The following TMEM9 variants were observed in gnomAD, a reference collection of about 807,000 sequenced individuals.
The protein encoded by TMEM9 is transmembrane protein 9.
In TMEM9, 13 loss-of-function variants were observed where a neutral mutation model predicts 22.8. The observed-to-expected ratio is 0.57, with a 90% CI of 0.37 to 0.91. TMEM9 has a LOEUF of 0.91. TMEM9 is among the 40% of genes least tolerant of loss of function. TMEM9 has a pLI of 0.01. For synonymous variants in TMEM9, 88 were observed against 93.0 expected (o/e 0.95, Z 0.31); for missense variants, 182 against 238.1 (o/e 0.76, Z 1.55).
upstream of TMEM9, among the ~76,000 whole-genome samples, chr1:201,155,195 C>A (rs1665748057): frequency 6.6e-6 from 1 of 152,178 alleles, no homozygotes; most frequent in South Asian, 2.1e-4. Context: ...CCCTGGCGCT[C>A]CCCCTAAGCA....
Position 201,154,144 on chromosome 1 carries a change from C to T in TMEM9, c.-221G>A, listed in dbSNP as rs2102283732. On this transcript the variant is annotated 5_prime_UTR_variant, in exon 1 of 5. Transcript: ENST00000367330. Reference sequence around the variant, plus strand: ...GCCCAACTCTCCGGCTCTCCGCCAGCCACCTGGTGAGCCCGGCAGAGGGGT... The same window carrying T: ...GCCCAACTCTCCGGCTCTCCGCCAGTCACCTGGTGAGCCCGGCAGAGGGGT... 7.1e-6 allele frequency: 4 copies of T among 564,638 alleles called. No individual in the cohort carries two copies. Among genetic ancestry groups the T allele is most frequent in the East Asian group, 3.2e-5 (1 of 30,830 alleles). 35.0% of individuals were successfully genotyped at this position (564,638 alleles called of 1,614,324 possible). A position where few individuals can be genotyped will look rare whatever the true frequency, so the allele number is the denominator to read the frequency against.
intron 1 of TMEM9, 32 bp from the exon 2 acceptor site, chr1:201,151,884 A>G (rs772844234): frequency 1.3e-6 from 2 of 1,571,982 alleles, no homozygotes; most frequent in South Asian, 2.2e-5. Flanking sequence ...AAGTATGCAG[A>G]GACCCTGCCT....
intron 4 of TMEM9, among the ~76,000 whole-genome samples, chr1:201,136,288 C>T (rs992760088): frequency 3.9e-5 from 6 of 152,208 alleles, no homozygotes; most frequent in African/African-American, 1.4e-4. Flanking sequence ...GAGGTGCCCC[C>T]AGGGCTAGTA....
intron 2 of TMEM9, among the ~76,000 whole-genome samples, chr1:201,150,348 A>G (rs1665323476): frequency 6.6e-6 from 1 of 152,256 alleles, no homozygotes; most frequent in South Asian, 2.1e-4. Context: ...TGTGGCCACC[A>G]GTAAGGCATG....
intron 3 of TMEM9, chr1:201,144,330 G>A (rs1664781780): frequency 9.6e-6 from 2 of 208,576 alleles, no homozygotes; most frequent in Admixed American, 5.2e-5. Flanking sequence ...CTAAGAGCAA[G>A]GAAGAACAGG....
At chr1:201,149,405 G>A (rs772865991) in intron 2 of TMEM9, among the ~76,000 whole-genome samples, 2 of 152,152 alleles carry the variant, frequency 1.3e-5, no homozygotes, top group African/African-American at 2.4e-5. Context: ...TTTCCAAAAC[G>A]GATTTTGTTT....
rs186313214 is a variant in TMEM9, at chr1:201,148,275, G to A, written c.159-1427C>T. 1.3e-3 allele frequency among the ~76,000 whole-genome samples: 201 copies of A among 152,326 alleles called. 1 individual carries two copies. The highest frequency in any genetic ancestry group is 2.6e-3 in the Non-Finnish European group (175 of 68,028). ...CCCTCAGCCACAGGTCTTTACTTCT[G>A]ACTCAGCCTCAGTGGGGCCTGGGCT... On this transcript the variant is annotated intron_variant, in intron 2 of 4. Coordinates refer to ENST00000367330, the MANE Select transcript of TMEM9 (RefSeq NM_001288565.2).
At chr1:201,155,560 G>A (rs1197723688), upstream of TMEM9, among the ~76,000 whole-genome samples, 1 of 152,156 alleles carries the variant, frequency 6.6e-6, no homozygotes, top group Admixed American at 6.5e-5. Flanking sequence ...TGCTCAGGAA[G>A]TGTTTGCTAA....
chr1:201,163,924 G>C (rs1666010475), intron 1 of TMEM9, among the ~76,000 whole-genome samples: 1 of 152,222 alleles, frequency 6.6e-6, no homozygotes, highest in Non-Finnish European at 1.5e-5. Context: ...AAAAACGTGT[G>C]CATGAATGCT....
Position 201,135,142 on chromosome 1 carries a change from C to CCATCAGAGCTGT in TMEM9, c.*509_*520dup, listed in dbSNP as rs1663861369. On this transcript the variant is annotated 3_prime_UTR_variant, in exon 5 of 5. Coordinates refer to ENST00000367330, the MANE Select transcript of TMEM9 (RefSeq NM_001288565.2). ...AGTGGGCTCAGGGGGCCCAGCTCTC[C>CCATCAGAGCTGT]CATCAGAGCTGTCCTCAGGGCTGGA... 6.5e-6 allele frequency: 1 copy of CCATCAGAGCTGT among 153,044 alleles called. No homozygotes were observed. The highest frequency in any genetic ancestry group is 6.5e-5 in the Admixed American group (1 of 15,294). The allele number at this position is 153,044 out of a possible 1,614,324, so 9.5% of individuals were successfully genotyped here. A position where few individuals can be genotyped will look rare whatever the true frequency, so the allele number is the denominator to read the frequency against.
chr1:201,149,530 G>A (rs929933895), intron 2 of TMEM9, among the ~76,000 whole-genome samples: 2 of 152,166 alleles, frequency 1.3e-5, no homozygotes, highest in Non-Finnish European at 1.5e-5. Flanking sequence ...ACCCACCAAT[G>A]GGGCAAAGCT....
rs192044200 is a variant in TMEM9 at position 201,163,064 on chromosome 1, T to C, written c.-37+8426A>G. On this transcript the variant is annotated intron_variant, in intron 1 of 5. Transcript: ENST00000367333. Reference sequence around the variant, plus strand: ...ACTTTGGGAGGCTGAGGCAGGCAGATTGCTTGAGCCCAGGAGCTAGAGACC... The same window carrying C: ...ACTTTGGGAGGCTGAGGCAGGCAGACTGCTTGAGCCCAGGAGCTAGAGACC... Among the ~76,000 whole-genome samples, 184 of 152,242 alleles carry C rather than the reference T, an allele frequency of 1.2e-3. 1 individual carries two copies. The highest frequency in any genetic ancestry group is 4.1e-3 in the African/African-American group (170 of 41,536).
intron 1 of TMEM9, among the ~76,000 whole-genome samples, chr1:201,160,328 G>A (rs1333011204): frequency 4.6e-5 from 7 of 152,176 alleles, no homozygotes; most frequent in Non-Finnish European, 8.8e-5. Flanking sequence ...GTTGGCTCAC[G>A]CCTGTAATCC....
At chr1:201,140,040 G>A (rs1664383408) in intron 4 of TMEM9, among the ~76,000 whole-genome samples, 1 of 152,228 alleles carries the variant, frequency 6.6e-6, no homozygotes, top group African/African-American at 2.4e-5. Context: ...CAGCTTCCCA[G>A]GGCTGGGGTC....
chr1:201,150,647 C>T (rs1005263851), intron 2 of TMEM9, among the ~76,000 whole-genome samples: 4 of 152,146 alleles, frequency 2.6e-5, no homozygotes, highest in Admixed American at 1.3e-4. Flanking sequence ...AGAAAATCAC[C>T]GACAGTCTCA....
At chr1:201,141,910 C>T (rs1051590731) in intron 4 of TMEM9, among the ~76,000 whole-genome samples, 3 of 152,150 alleles carry the variant, frequency 2.0e-5, no homozygotes, top group East Asian at 1.9e-4. Flanking sequence ...CAAGGCCATG[C>T]CCCAGAGCCA....
Position 201,143,914 on chromosome 1 carries a change from AG to A in TMEM9, c.304del (p.Leu102CysfsTer8). 6.2e-7 allele frequency: 1 copy of A among 1,614,194 alleles called. No homozygotes were observed. Among genetic ancestry groups the A allele is most frequent in the Non-Finnish European group, 8.5e-7 (1 of 1,180,022 alleles). ...CATCAGGAAGGCCATGTAGAGCAAC[AG>A]GGCACCCACCACGGACAGGTAGATG... ...IVIYLSVVGA[L>X]LLYMAFLMLV... On this transcript the variant is annotated frameshift_variant, in exon 4 of 5. Transcript: ENST00000367330. LOFTEE classifies it high-confidence loss of function.
At chr1:201,136,323 T>C (rs974525530) in intron 4 of TMEM9, among the ~76,000 whole-genome samples, 2 of 152,160 alleles carry the variant, frequency 1.3e-5, no homozygotes, top group African/African-American at 4.8e-5. Context: ...TCCCCTGCCC[T>C]CCACGCCATT....
intron 4 of TMEM9, 108 bp downstream of exon 4, chr1:201,143,712 G>T: frequency 8.7e-7 from 1 of 1,153,408 alleles, no homozygotes; most frequent in African/African-American, 1.5e-5. Flanking sequence ...AGAGCAACTT[G>T]AAGCATTTTG....
Sources: gnomAD v4.1 joint callset for allele counts (sites outside exome capture counted in the v4.1 genomes callset) on GRCh38, gnomAD v4.1.1 for gene constraint, MANE v1.5 for transcripts, NCBI Gene and HGNC (gene_info 2026-07-23, HGNC 2026-07-21) for gene names.